Variants in ZNF518A observed in about 807,000 individuals in gnomAD.
ZNF518A encodes zinc finger protein 518A.
ZNF518A carries 47 observed loss-of-function variants against 102.7 expected under a neutral mutation model. The ratio of observed to expected loss-of-function variants is 0.46; its 90% CI spans 0.36 to 0.58. The LOEUF (loss-of-function observed/expected upper bound fraction) is 0.58, where lower values mean the gene tolerates loss of function less well. ZNF518A is among the 20% of genes least tolerant of loss of function. The probability of loss-of-function intolerance (pLI) is 0.00; values close to 1 mark genes in which losing one functional copy is unlikely to be tolerated. For missense variants in ZNF518A, 1,793 were observed against 1,699.8 expected (o/e 1.05, Z -0.96); for synonymous variants, 652 against 594.6 (o/e 1.10, Z -1.40).
intron 1 of ZNF518A, among the ~76,000 whole-genome samples, chr10:96,175,680 G>A (rs1205692030): frequency 6.6e-6 from 1 of 152,264 alleles, no homozygotes; most frequent in South Asian, 2.1e-4. Flanking sequence ...CCAACCCAAT[G>A]GGTATTTCAG....
At chr10:96,194,400 G>C (rs951104510) in intron 1 of ZNF518A, among the ~76,000 whole-genome samples, 14 of 152,066 alleles carry the variant, frequency 9.2e-5, no homozygotes, top group African/African-American at 1.4e-4. Flanking sequence ...AAAAATTCTA[G>C]AAGAAAATGT....
At chr10:96,142,308 GTGTGTGTGTGTGTGTGTGTGTGTGTGT>G (rs2081970136) in intron 3 of ZNF518A, among the ~76,000 whole-genome samples, 1 of 94,254 alleles carries the variant, frequency 1.1e-5, no homozygotes, top group Admixed American at 9.4e-5. Flanking sequence ...TTCTTAGGGT[GTGTGTGTGTGTGTGTGTGTGTGTGTGT>G]GTGTGTGTGT....
In ZNF518A at chr10:96,200,034, T is replaced by C. The variant is rs782281490; in HGVS notation, n.36-3540T>C. ...ATCATCTCAAAACAAATAAATAAAATAAAATAAAATAAAAATAATAAATAA... is the reference window on the plus strand; with the variant it reads ...ATCATCTCAAAACAAATAAATAAAACAAAATAAAATAAAAATAATAAATAA... On this transcript the variant is annotated intron_variant and non_coding_transcript_variant, in intron 1 of 2. Transcript: ENST00000442635. This position sits in a 1 kb window ranked among gnomAD's most constrained non-coding sequence, Gnocchi z 4.3. 1 of 1,287,056 alleles carries C rather than the reference T, an allele frequency of 7.8e-7. No homozygotes were observed. The highest frequency in any genetic ancestry group is 2.3e-5 in the South Asian group (1 of 43,864). The allele number at this position is 1,287,056 out of a possible 1,614,324, so 79.7% of individuals were successfully genotyped here.
At position 96,157,639 on chromosome 10, in the gene ZNF518A, C is replaced by T. The variant is rs781913403; in HGVS notation, c.1317C>T (p.Asn439=). ...MKNNKLAVSP[N]YNATFMGFKM... is the part of the protein sequence containing the mutation. ...ATAATAAACTAGCAGTTTCCCCTAA[C>T]TATAATGCTACGTTTATGGGCTTCA... Residue 439 remains asparagine (N), a synonymous_variant, in exon 6 of 6, where the codon AAC becomes AAT. Transcript: ENST00000316045. The T allele has an allele frequency of 3.1e-6, 5 of 1,613,734 alleles. No homozygotes were observed. Among genetic ancestry groups the T allele is most frequent in the Non-Finnish European group, 4.2e-6 (5 of 1,179,804 alleles).
chr10:96,185,562 C>T (rs915988343), intron 1 of ZNF518A, among the ~76,000 whole-genome samples: 1 of 152,138 alleles, frequency 6.6e-6, no homozygotes, highest in Admixed American at 6.6e-5. Context: ...AACAGTCAGT[C>T]CCCTCAGCTG....
At chr10:96,202,909 T>C (rs2083683493) in intron 1 of ZNF518A, among the ~76,000 whole-genome samples, 1 of 152,226 alleles carries the variant, frequency 6.6e-6, no homozygotes, top group African/African-American at 2.4e-5. Context: ...GCCCATTTTA[T>C]AGAACAGGCC....
Position 96,200,106 on chromosome 10 carries a change from G to C in ZNF518A, n.36-3468G>C. Reference sequence around the variant, plus strand: ...TGATCTGTGCAATGCCTCTTCAGCAGACTTTCGATCACAGGCTCCAGCATA... The same window carrying C: ...TGATCTGTGCAATGCCTCTTCAGCACACTTTCGATCACAGGCTCCAGCATA... On this transcript the variant is annotated intron_variant and non_coding_transcript_variant, in intron 1 of 2. Coordinates refer to the ZNF518A transcript ENST00000442635. The surrounding 1 kb of genome is among the most constrained non-coding windows in gnomAD (Gnocchi z 4.3). The C allele has an allele frequency of 6.2e-7, 1 of 1,614,040 alleles. No individual in the cohort carries two copies. The highest frequency in any genetic ancestry group is 8.5e-7 in the Non-Finnish European group (1 of 1,179,982).
Position 96,157,246 on chromosome 10 carries a change from T to G in ZNF518A, c.924T>G (p.Ser308=), listed in dbSNP as rs1156648762. The change falls in exon 6 of 6, where the codon TCT becomes TCG. Residue 308 remains serine (S), a synonymous_variant. Transcript: ENST00000316045. ...ATGAAAAAAGAATGGCAAAGACTTC[T>G]GCAGGACTTAAGCTAATACTGAAAA... ...DKYEKRMAKT[S]AGLKLILKRY... 1 of 1,610,758 alleles carries G rather than the reference T, an allele frequency of 6.2e-7. No individual in the cohort carries two copies. Among genetic ancestry groups the G allele is most frequent in the Non-Finnish European group, 8.5e-7 (1 of 1,178,694 alleles).
intron 1 of ZNF518A, chr10:96,191,738 G>C (rs2083332811): frequency 2.3e-6 from 1 of 431,016 alleles, no homozygotes; most frequent in South Asian, 3.2e-5. Context: ...GAAAATATTA[G>C]TAGCATGATA....
intron 3 of ZNF518A, among the ~76,000 whole-genome samples, chr10:96,138,078 A>G (rs1322029115): frequency 6.6e-6 from 1 of 152,192 alleles, no homozygotes. Context: ...GCTTCAAAAT[A>G]TATTCAATCT....
chr10:96,204,972 CTTG>C (rs67050860), downstream of ZNF518A: 100,566 of 331,522 alleles, frequency 0.3, 16,826 homozygotes, highest in Non-Finnish European at 0.35. Context: ...TCACCCTCTA[CTTG>C]CCATGTGGCC....
chr10:96,188,426 TA>T (rs1302793172), intron 1 of ZNF518A, among the ~76,000 whole-genome samples: 2 of 152,206 alleles, frequency 1.3e-5, no homozygotes, highest in Non-Finnish European at 2.9e-5. Context: ...GCTATGCTAT[TA>T]CCTAGCTGGA....
chr10:96,151,411 A>C (rs1554880377), intron 3 of ZNF518A: 1 of 152,254 alleles, frequency 6.6e-6, no homozygotes, highest in Non-Finnish European at 1.5e-5. Flanking sequence ...CATCTCTCCT[A>C]ACAGTTGGTG....
intron 3 of ZNF518A, among the ~76,000 whole-genome samples, chr10:96,139,724 G>A (rs1169102646): frequency 6.6e-6 from 1 of 152,162 alleles, no homozygotes; most frequent in Non-Finnish European, 1.5e-5. Flanking sequence ...AGAGGAGGGT[G>A]GTGGACAAGG....
chr10:96,202,300 C>T (rs1298077321), intron 1 of ZNF518A, among the ~76,000 whole-genome samples: 1 of 152,054 alleles, frequency 6.6e-6, no homozygotes, highest in Non-Finnish European at 1.5e-5. Flanking sequence ...GGGCTGGAAA[C>T]AGAGGGTGGC....
chr10:96,158,876 A>G lies in ZNF518A; in HGVS notation c.2554A>G (p.Thr852Ala), dbSNP rs1554885196. 1 of 1,613,778 alleles carries G rather than the reference A, an allele frequency of 6.2e-7. No homozygotes were observed. Among genetic ancestry groups the G allele is most frequent in the Non-Finnish European group, 8.5e-7 (1 of 1,179,728 alleles). ...TGGCAGTGTGGGTATTAATGTGCCT[A>G]CAAATGATTTGAATTTGAAATTTGG... ...PPGSVGINVP[T>A]NDLNLKFGKE... Residue 852 changes from threonine (T) to alanine (A), a missense_variant, in exon 6 of 6, where the codon ACA becomes GCA. By Grantham distance (58) the Thr-to-Ala change is moderately conservative (BLOSUM62 0). This residue lies in a region of ZNF518A where 1,741 missense variants were observed against 1,622.6 expected (regional missense o/e 1.07). Coordinates refer to ENST00000316045, the MANE Select transcript of ZNF518A (RefSeq NM_001330736.2).
At chr10:96,190,279 C>A in intron 1 of ZNF518A, 2 of 690,146 alleles carry the variant, frequency 2.9e-6, no homozygotes, top group South Asian at 1.4e-5. Context: ...GACCACTGCT[C>A]AAGAGAACAG....
rs782606221 is a variant in ZNF518A, at chr10:96,156,771, A to G, written c.449A>G (p.Tyr150Cys). 1 of 1,613,964 alleles carries G rather than the reference A, an allele frequency of 6.2e-7. No individual in the cohort carries two copies. The highest frequency in any genetic ancestry group is 1.7e-5 in the Admixed American group (1 of 60,024). ...TGGCACCATGGCGAATTACCTTCAT[A>G]TCCTTGTGAAATGTGCAACTTTTCA... ...QMWHHGELPSYPCEMCNFSAN... is the reference protein window; with the variant it reads ...QMWHHGELPSCPCEMCNFSAN... Residue 150 changes from tyrosine to cysteine, a missense_variant, in exon 6 of 6, where the codon TAT (tyrosine) becomes TGT (cysteine). Tyr to Cys is a radical substitution (Grantham distance 194). This residue lies in a region of ZNF518A where 1,741 missense variants were observed against 1,622.6 expected (regional missense o/e 1.07). Transcript: ENST00000316045.
chr10:96,175,971 A>G (rs1414636371), intron 1 of ZNF518A, among the ~76,000 whole-genome samples: 2 of 140,852 alleles, frequency 1.4e-5, no homozygotes, highest in East Asian at 4.3e-4. Context: ...TTTTTTAGAG[A>G]TAGGTCTTAC....
Sources: allele counts gnomAD v4.1 joint callset (sites outside exome capture counted in the v4.1 genomes callset), GRCh38; gene constraint gnomAD v4.1.1; regional missense constraint gnomAD v4.1.1; non-coding constraint Gnocchi (gnomAD v3.1); transcripts MANE v1.5; gene names NCBI Gene and HGNC (gene_info 2026-07-23, HGNC 2026-07-21).